FAAH2: variants seen among roughly 807,000 people sequenced by gnomAD.
FAAH2 encodes fatty-acid amide hydrolase 2.
A neutral mutation model predicts 36.9 loss-of-function variants in FAAH2; 60 were observed. That is an observed-to-expected ratio of 1.63 (90% confidence interval 1.32 to 2.02). The LOEUF is 2.02. Ranked by LOEUF, FAAH2 falls within the 30% of genes most tolerant of loss-of-function variation. The pLI is 0.00. For synonymous variants in FAAH2, 214 were observed against 143.8 expected (o/e 1.49, Z -3.49); for missense variants, 689 against 397.5 (o/e 1.73, Z -6.23).
intron 4 of FAAH2, among the ~76,000 whole-genome samples, chrX:57,338,981 G>T (rs1419615498): frequency 1.8e-5 from 2 of 111,476 alleles, no homozygotes; most frequent in East Asian, 5.6e-4. Flanking sequence ...AAAGAACAAA[G>T]CTGGTGGCAT....
the FAAH2 span, among the ~76,000 whole-genome samples, chrX:57,270,526 T>A: frequency 8.9e-6 from 1 of 111,932 alleles, no homozygotes; most frequent in Non-Finnish European, 1.9e-5. Context: ...AGATAATTGC[T>A]GGAGGTGGGG....
the FAAH2 span, among the ~76,000 whole-genome samples, chrX:57,268,996 C>T: frequency 1.8e-5 from 2 of 111,354 alleles, no homozygotes; most frequent in South Asian, 3.8e-4. Flanking sequence ...AGAGCCCTAT[C>T]TCATATGTAA....
At chrX:57,377,843 T>G (rs1482736707) in intron 5 of FAAH2, among the ~76,000 whole-genome samples, 1 of 112,181 alleles carries the variant, frequency 8.9e-6, no homozygotes, top group South Asian at 3.7e-4. Context: ...GTACTTCTCC[T>G]TGAAGAGGTC....
the FAAH2 span, among the ~76,000 whole-genome samples, chrX:57,166,392 A>T: frequency 9.8e-5 from 11 of 111,881 alleles, no homozygotes; most frequent in African/African-American, 3.6e-4. Context: ...AGAAAAACTG[A>T]AAGAGTCCAC....
intron 9 of FAAH2, among the ~76,000 whole-genome samples, chrX:57,447,743 T>G (rs868094518): frequency 9.1e-6 from 1 of 110,117 alleles, no homozygotes; most frequent in Admixed American, 9.6e-5. Flanking sequence ...GTCCCTGGGC[T>G]CACACAGCAA....
the FAAH2 span, among the ~76,000 whole-genome samples, chrX:57,186,099 C>T: frequency 9.0e-6 from 1 of 111,410 alleles, no homozygotes; most frequent in African/African-American, 3.3e-5. Context: ...AATGGGATTA[C>T]TGGGACCAAT....
chrX:57,481,253 A>G (rs2057373153), intron 10 of FAAH2, among the ~76,000 whole-genome samples: 1 of 110,852 alleles, frequency 9.0e-6, no homozygotes, highest in Non-Finnish European at 1.9e-5. Flanking sequence ...CAATTTGTCA[A>G]TCTCATTCTC....
At chrX:57,469,803 G>A (rs765964773) in intron 10 of FAAH2, among the ~76,000 whole-genome samples, 4 of 111,441 alleles carry the variant, frequency 3.6e-5, no homozygotes, top group South Asian at 3.8e-4. Context: ...TACATTCTTC[G>A]CAGCACCACA....
At chrX:57,395,084 T>C in intron 7 of FAAH2, 1 of 548,254 alleles carries the variant, frequency 1.8e-6, no homozygotes, top group Admixed American at 2.3e-5. Flanking sequence ...GATCACTCCT[T>C]CAGTGTATTG....
At chrX:57,311,543 A>T (rs2052694316) in intron 3 of FAAH2, among the ~76,000 whole-genome samples, 1 of 111,975 alleles carries the variant, frequency 8.9e-6, no homozygotes, top group South Asian at 3.7e-4. Flanking sequence ...TGCTCTGGGC[A>T]GCTCCAGCTG....
the FAAH2 span, among the ~76,000 whole-genome samples, chrX:57,252,626 G>A: frequency 8.9e-6 from 1 of 112,141 alleles, no homozygotes; most frequent in Non-Finnish European, 1.9e-5. Flanking sequence ...CAGGCAAACA[G>A]GGTCTGGAGT....
chrX:57,299,821 CAGAG>C (rs2052284607), intron 2 of FAAH2, among the ~76,000 whole-genome samples: 1 of 111,766 alleles, frequency 8.9e-6, no homozygotes, highest in African/African-American at 3.2e-5. Context: ...AACAGACAAA[CAGAG>C]AGCCAAATCA....
the FAAH2 span, among the ~76,000 whole-genome samples, chrX:57,150,699 C>G: frequency 8.9e-6 from 1 of 112,044 alleles, no homozygotes; most frequent in Non-Finnish European, 1.9e-5. Flanking sequence ...ACTGATGGGT[C>G]TTGACTCTTT....
intron 5 of FAAH2, among the ~76,000 whole-genome samples, chrX:57,374,976 T>C (rs1176148268): frequency 1.8e-5 from 2 of 111,737 alleles, no homozygotes; most frequent in East Asian, 5.6e-4. Context: ...CATGCGATTT[T>C]TGTTTTTAAT....
intron 3 of FAAH2, among the ~76,000 whole-genome samples, chrX:57,321,247 T>C (rs2053015489): frequency 9.1e-6 from 1 of 110,276 alleles, no homozygotes; most frequent in Non-Finnish European, 1.9e-5. Context: ...CACTGCATGT[T>C]CTCACTCAGG....
At chrX:57,443,060 A>G (rs2056598143) in intron 8 of FAAH2, among the ~76,000 whole-genome samples, 1 of 111,018 alleles carries the variant, frequency 9.0e-6, no homozygotes, top group African/African-American at 3.3e-5. Flanking sequence ...CCTTTATTTC[A>G]ATTTTGGTGA....
At chrX:57,187,013 A>AT in the FAAH2 span, among the ~76,000 whole-genome samples, 2 of 109,093 alleles carry the variant, frequency 1.8e-5, no homozygotes, top group Non-Finnish European at 3.8e-5. Context: ...TCCAGCTTTG[A>AT]TTTTTTTTCT....
the FAAH2 span, among the ~76,000 whole-genome samples, chrX:57,194,533 CTA>C: frequency 3.6e-5 from 4 of 110,884 alleles, no homozygotes; most frequent in African/African-American, 1.3e-4. Flanking sequence ...TTTCTTCTAA[CTA>C]TGCATTTTCT....
At chrX:57,289,583 G>A (rs956421727) in intron 1 of FAAH2, among the ~76,000 whole-genome samples, 1 of 110,833 alleles carries the variant, frequency 9.0e-6, no homozygotes, top group Admixed American at 9.7e-5. Flanking sequence ...TTCATTGCAT[G>A]ATCTTTTTTA....
Sources: allele counts gnomAD v4.1 joint callset (sites outside exome capture counted in the v4.1 genomes callset), GRCh38; gene constraint gnomAD v4.1.1; transcripts MANE v1.5; gene names NCBI Gene and HGNC (gene_info 2026-07-23, HGNC 2026-07-21).